KIF20B: variants seen among roughly 807,000 people sequenced by gnomAD.
KIF20B encodes kinesin family member 20B.
Under a neutral mutation model 232.5 loss-of-function variants are expected in KIF20B, and 188 were observed. The observed-to-expected ratio is 0.81, with a 90% CI of 0.72 to 0.91. KIF20B has a LOEUF of 0.91. KIF20B is among the 40% of genes least tolerant of loss of function. The pLI is 0.00. For missense variants in KIF20B, 2,154 were observed against 2,055.9 expected, an observed-to-expected ratio of 1.05 and a Z score of -0.92; for synonymous variants, 712 against 683.0, an observed-to-expected ratio of 1.04 and a Z score of -0.66.
intron 29 of KIF20B, 146 bp from the exon 30 acceptor site, chr10:89,768,144 C>T: frequency 1.7e-6 from 1 of 600,884 alleles, no homozygotes; most frequent in Non-Finnish European, 3.0e-6. Flanking sequence ...TCAAACATTG[C>T]CATTGTCCTC....
rs1433094091 is a variant in KIF20B, at chr10:89,717,684, A to C, written c.1233A>C (p.Gly411=). The C allele has an allele frequency of 1.9e-6, 3 of 1,608,346 alleles. No homozygotes were observed. The Admixed American group carries it at 5.0e-5, about 27-fold the overall frequency. ...TCAACACTTCTTTATTGACTCTGGG[A>C]AAGTGTATTAACGTCTTGAAGAATA... ...GNINTSLLTL[G]KCINVLKNSE... The change falls in exon 11 of 33, where the codon GGA becomes GGC. Residue 411 remains glycine (G), a synonymous_variant. Coordinates refer to ENST00000371728, the MANE Select transcript of KIF20B (RefSeq NM_001284259.2).
At position 89,715,169 on chromosome 10, in the gene KIF20B, T is replaced by C. The variant is rs780497445; in HGVS notation, c.927T>C (p.Tyr309=). 8 of 1,588,920 alleles carry C rather than the reference T, an allele frequency of 5.0e-6. No individual in the cohort carries two copies. The highest frequency in any genetic ancestry group is 1.7e-4 in the Middle Eastern group (1 of 5,986). The change falls in exon 8 of 33, where the codon TAT becomes TAC. Residue 309 remains tyrosine, a synonymous_variant. Coordinates refer to ENST00000371728, the MANE Select transcript of KIF20B (RefSeq NM_001284259.2). ...GCCTTTCCCAAGACGTAAAGGGCTA[T>C]TCTTTTATAAAAGGTATACTAATGA... ...MLRLSQDVKG[Y]SFIKDLQWIQ... is the part of the protein sequence containing the mutation.
At chr10:89,727,260 C>CTT (rs1378186235) in intron 16 of KIF20B, among the ~76,000 whole-genome samples, 45,819 of 147,216 alleles carry the variant, frequency 0.31, 7,947 homozygotes, top group African/African-American at 0.47. Flanking sequence ...TTCCCCCCCC[C>CTT]TTTTTTTTTT....
intron 21 of KIF20B, among the ~76,000 whole-genome samples, chr10:89,739,660 C>CTTT (rs200053232): frequency 0.26 from 36,181 of 139,426 alleles, 5,248 homozygotes; most frequent in African/African-American, 0.39. Context: ...GATTGGAGCA[C>CTTT]TTTTTTTTTT....
intron 9 of KIF20B, 71 bp downstream of exon 9, chr10:89,716,618 A>T (rs1370864337): frequency 2.5e-5 from 19 of 765,342 alleles, no homozygotes. Flanking sequence ...AACACAGCTA[A>T]TTTTACATTA....
At chr10:89,770,206 G>A (rs1589887892) in intron 31 of KIF20B, among the ~76,000 whole-genome samples, 2 of 152,020 alleles carry the variant, frequency 1.3e-5, no homozygotes, top group African/African-American at 2.4e-5. Flanking sequence ...GGGCTATTGA[G>A]CATCACTATT....
chr10:89,739,564 A>G (rs1022524315), intron 21 of KIF20B, among the ~76,000 whole-genome samples: 2 of 151,754 alleles, frequency 1.3e-5, no homozygotes, highest in Non-Finnish European at 2.9e-5. Context: ...AATGTTACCA[A>G]TTTCTTTCTT....
intron 23 of KIF20B, among the ~76,000 whole-genome samples, chr10:89,747,529 A>G (rs1038283522): frequency 8.6e-5 from 13 of 150,988 alleles, no homozygotes; most frequent in Non-Finnish European, 1.6e-4. Context: ...AATGTGGCAC[A>G]TATACACCAT....
intron 29 of KIF20B, among the ~76,000 whole-genome samples, chr10:89,764,053 C>T (rs180695633): frequency 8.9e-6 from 1 of 111,948 alleles, no homozygotes; most frequent in Non-Finnish European, 1.8e-5. Context: ...CCCCTCCCCC[C>T]ACCCCACAAC....
rs117938493 is a variant in KIF20B at position 89,729,889 on chromosome 10, A to G, written c.2391+642A>G. The stretch of plus-strand genomic sequence containing the variant: ...CCTTCAAATTATTCTTTTATTTAGA[A>G]ATGGTAAAATATATGGTAATAATGT... On this transcript the variant is annotated intron_variant, in intron 18 of 32. Transcript: ENST00000371728. 7.4e-3 allele frequency among the ~76,000 whole-genome samples: 1,127 copies of G among 152,222 alleles called. 9 individuals are homozygous for G. The highest frequency in any genetic ancestry group is 0.013 in the Non-Finnish European group (864 of 68,014).
Position 89,733,058 on chromosome 10 carries a change from T to G in KIF20B, c.2545+2T>G. On this transcript the variant is annotated splice_donor_variant, in intron 19 of 32. Transcript: ENST00000371728. LOFTEE classifies it high-confidence loss of function. ...AAGATGAACCACCAGCAAAGAAAGG[T>G]ACTACTTCAGCTGCCAGCAGCAGGC... is the stretch of plus-strand genomic sequence containing the variant. 3 of 1,613,284 alleles carry G rather than the reference T, an allele frequency of 1.9e-6. No homozygotes were observed. Among genetic ancestry groups the G allele is most frequent in the Non-Finnish European group, 2.5e-6 (3 of 1,179,526 alleles).
In KIF20B at chr10:89,715,078, A is replaced by C; in HGVS notation, c.836A>C (p.Tyr279Ser). The C allele has an allele frequency of 6.2e-7, 1 of 1,606,362 alleles. No individual in the cohort carries two copies. The highest frequency in any genetic ancestry group is 8.5e-7 in the Non-Finnish European group (1 of 1,175,196). ...GTGTGGGTTTCTTTCTTTGAAATTT[A>C]CAATGAATATATTTATGACTTATTT... ...FSVWVSFFEI[Y>S]NEYIYDLFVP... The change falls in exon 8 of 33, where the codon TAC becomes TCC. Residue 279 changes from tyrosine to serine, a missense_variant. Coordinates refer to ENST00000371728, the MANE Select transcript of KIF20B (RefSeq NM_001284259.2).
chr10:89,754,035 T>C lies in KIF20B; in HGVS notation c.4348-483T>C, dbSNP rs549762451. Among the ~76,000 whole-genome samples the C allele has an allele frequency of 8.6e-5, 13 of 151,916 alleles. 1 individual carries two copies. The South Asian group carries it at 1.3e-3, about 15-fold the overall frequency. On this transcript the variant is annotated intron_variant, in intron 25 of 32. Coordinates refer to ENST00000371728, the MANE Select transcript of KIF20B (RefSeq NM_001284259.2). ...GAATCTGTGGTACCAGTTTGAAAAT[T>C]ACTGATCAGCAGTATTCTCTGTCCA...
At chr10:89,713,073 T>A (rs28417350) in intron 6 of KIF20B, among the ~76,000 whole-genome samples, 2 of 151,916 alleles carry the variant, frequency 1.3e-5, no homozygotes, top group African/African-American at 4.8e-5. Flanking sequence ...ATGAAAAAAA[T>A]TTTTCACTGG....
chr10:89,715,995 A>T (rs965342165), intron 8 of KIF20B, among the ~76,000 whole-genome samples: 1 of 151,490 alleles, frequency 6.6e-6, no homozygotes. Flanking sequence ...TGTCTCCAAA[A>T]TAAATAAATA....
chr10:89,770,603 A>AT lies in KIF20B; in HGVS notation c.5242+1725dup, dbSNP rs60911952. Among the ~76,000 whole-genome samples the AT allele has an allele frequency of 6.2e-4, 92 of 149,074 alleles. 1 individual carries two copies. Among genetic ancestry groups the AT allele is most frequent in the South Asian group, 3.8e-3 (18 of 4,682 alleles). On this transcript the variant is annotated intron_variant, in intron 31 of 32. Transcript: ENST00000371728. ...TTCCCTACCAATGCACTTGACATAC[A>AT]TTTTTTTTTTCCTTTTTTCTTTTTG...
In KIF20B at chr10:89,709,463, TA is replaced by T; in HGVS notation, c.351+6del. 1 of 1,587,498 alleles carries T rather than the reference TA, an allele frequency of 6.3e-7. No individual in the cohort carries two copies. Among genetic ancestry groups the T allele is most frequent in the Non-Finnish European group, 8.6e-7 (1 of 1,157,156 alleles). The stretch of plus-strand genomic sequence containing the variant: ...GCACAGAAATTCAGTTTTTCCAAGG[TA>T]AAACTGAAGTGTTTTTGTTTTTTGT... On this transcript the variant is annotated splice_donor_region_variant and intron_variant, in intron 4 of 32. Coordinates refer to ENST00000371728, the MANE Select transcript of KIF20B (RefSeq NM_001284259.2).
chr10:89,724,159 G>GTTT, intron 14 of KIF20B, 56 bp downstream of exon 14: 29 of 1,058,730 alleles, frequency 2.7e-5, no homozygotes, highest in East Asian at 3.2e-5. Context: ...TAGTTTTTTA[G>GTTT]TTTTTTTTTT....
chr10:89,764,860 G>A (rs1368904705), intron 29 of KIF20B, among the ~76,000 whole-genome samples: 1 of 152,126 alleles, frequency 6.6e-6, no homozygotes, highest in Non-Finnish European at 1.5e-5. Context: ...TATTCACTCT[G>A]ATGGTAGTTT....
Sources: allele counts gnomAD v4.1 joint callset (sites outside exome capture counted in the v4.1 genomes callset), GRCh38; gene constraint gnomAD v4.1.1; transcripts MANE v1.5; gene names NCBI Gene and HGNC (gene_info 2026-07-23, HGNC 2026-07-21).